Variants in EIF4E3 observed in about 807,000 individuals in gnomAD.
EIF4E3 encodes eukaryotic translation initiation factor 4E family member 3, also known as eukaryotic translation initiation factor 4E type 3.
Under a neutral mutation model 31.7 loss-of-function variants are expected in EIF4E3, and 26 were observed. That is an observed-to-expected ratio of 0.82 (90% CI 0.60 to 1.14). EIF4E3 has a LOEUF of 1.14. Among genes scored for constraint, EIF4E3 ranks in the 50% most tolerant of loss-of-function variants. The probability of loss-of-function intolerance (pLI) is 0.00; values close to 1 mark genes in which losing one functional copy is unlikely to be tolerated. For missense variants in EIF4E3, 304 were observed against 270.9 expected, an observed-to-expected ratio of 1.12 and a Z score of -0.86; for synonymous variants, 128 against 107.7, an observed-to-expected ratio of 1.19 and a Z score of -1.17.
chr3:71,753,691 C>CGGCGGCGGG (rs1559618682), upstream of EIF4E3: 1 of 149,366 alleles, frequency 6.7e-6, no homozygotes, highest in Non-Finnish European at 1.5e-5. Context: ...GCGGCGGCGG[C>CGGCGGCGGG]GGGCCCGGCG....
At chr3:71,739,924 A>T (rs1442795441) in intron 1 of EIF4E3, among the ~76,000 whole-genome samples, 1 of 152,176 alleles carries the variant, frequency 6.6e-6, no homozygotes, top group Non-Finnish European at 1.5e-5. Context: ...AGAAAAATCT[A>T]TGACAATAAC....
chr3:71,692,593 GTCT>G lies in EIF4E3; in HGVS notation c.472+1279_472+1281del, dbSNP rs200773417. On this transcript the variant is annotated intron_variant, in intron 5 of 6. Coordinates refer to ENST00000425534, the MANE Select transcript of EIF4E3 (RefSeq NM_001134651.2). ...TATAGACAAATTTATCTTAACCCAGGTCTTCTTTTTTTTTTTTTTTGAAACAGG... is the reference window on the plus strand; with the variant it reads ...TATAGACAAATTTATCTTAACCCAGGTCTTTTTTTTTTTTTTTGAAACAGG... Among the ~76,000 whole-genome samples, 99 of 139,976 alleles carry G rather than the reference GTCT, an allele frequency of 7.1e-4. 1 individual carries two copies. Among genetic ancestry groups the G allele is most frequent in the East Asian group, 2.6e-3 (8 of 3,040 alleles). The allele number at this position is 139,976 out of a possible 152,430, so 91.8% of individuals were successfully genotyped here.
rs1450526910 is a variant in EIF4E3, at chr3:71,722,773, T to A, written c.176+2419A>T. ...GACAAGCTGCTCCAGAGACTGTTTG[T>A]TGGGGTGTGGGTATGGGGAGGGGTT... On this transcript the variant is annotated intron_variant, in intron 1 of 6. Transcript: ENST00000425534. Among the ~76,000 whole-genome samples, 4 of 152,092 alleles carry A rather than the reference T, an allele frequency of 2.6e-5. No homozygotes were observed. In the East Asian group the frequency reaches 5.8e-4, roughly 22 times the overall value.
chr3:71,699,548 A>T (rs2049185731), intron 3 of EIF4E3, 66 bp downstream of exon 3: 1 of 1,371,986 alleles, frequency 7.3e-7, no homozygotes, highest in South Asian at 1.2e-5. Context: ...AGGTGATATG[A>T]TCTTTTATGA....
the EIF4E3 span, among the ~76,000 whole-genome samples, chr3:71,663,372 T>C: frequency 6.6e-6 from 1 of 152,230 alleles, no homozygotes; most frequent in African/African-American, 2.4e-5. Context: ...GTTTGTGGAT[T>C]AAAATCTGCT....
chr3:71,703,612 C>T (rs1405871061), intron 2 of EIF4E3, among the ~76,000 whole-genome samples: 1 of 152,064 alleles, frequency 6.6e-6, no homozygotes, highest in Non-Finnish European at 1.5e-5. Flanking sequence ...CACCTTACAG[C>T]CTTCTGCCAA....
chr3:71,713,398 G>A (rs2049412178), intron 1 of EIF4E3, among the ~76,000 whole-genome samples: 1 of 152,094 alleles, frequency 6.6e-6, no homozygotes, highest in African/African-American at 2.4e-5. Context: ...CTCTTGGTAT[G>A]TTTTCATCAA....
chr3:71,701,201 AC>A (rs2049211937), intron 2 of EIF4E3, among the ~76,000 whole-genome samples: 2 of 152,232 alleles, frequency 1.3e-5, no homozygotes, highest in African/African-American at 2.4e-5. Flanking sequence ...AATAGATTAT[AC>A]AAAAATAATA....
At chr3:71,698,432 G>A (rs1458750440) in intron 3 of EIF4E3, among the ~76,000 whole-genome samples, 1 of 152,146 alleles carries the variant, frequency 6.6e-6, no homozygotes, top group African/African-American at 2.4e-5. Context: ...GTGTCCCTGT[G>A]GGGGACATCT....
chr3:71,725,458 G>GCGCGC (rs2049623578), upstream of EIF4E3: 3 of 758,108 alleles, frequency 4.0e-6, no homozygotes, highest in Non-Finnish European at 4.8e-6. This position sits in a 1 kb window ranked among gnomAD's most constrained non-coding sequence, Gnocchi z 6.1. Flanking sequence ...GCCCCGCCCC[G>GCGCGC]CGCGCCCCGC....
chr3:71,737,366 T>C (rs970343141), intron 1 of EIF4E3, among the ~76,000 whole-genome samples: 5 of 152,216 alleles, frequency 3.3e-5, no homozygotes, highest in Non-Finnish European at 7.3e-5. Context: ...GTACAAAACA[T>C]ATGACCACCT....
At chr3:71,699,828 A>G in intron 2 of EIF4E3, 120 bp from the exon 3 acceptor site, 1 of 774,736 alleles carries the variant, frequency 1.3e-6, no homozygotes, top group Non-Finnish European at 2.0e-6. Context: ...TCCATTCAAA[A>G]TAGATTTTTC....
intron 2 of EIF4E3, among the ~76,000 whole-genome samples, chr3:71,704,898 A>G (rs2049268191): frequency 6.6e-6 from 1 of 152,244 alleles, no homozygotes; most frequent in African/African-American, 2.4e-5. Context: ...AATACAAGCA[A>G]TTTAACTTCA....
At chr3:71,672,794 T>A (rs532352495), downstream of EIF4E3, among the ~76,000 whole-genome samples, 551 of 152,256 alleles carry the variant, frequency 3.6e-3, 3 homozygotes, top group African/African-American at 0.013. Context: ...TCTTTTTTTT[T>A]TTAAACCTTT....
intron 1 of EIF4E3, among the ~76,000 whole-genome samples, chr3:71,719,642 A>C (rs550014395): frequency 5.9e-4 from 90 of 152,256 alleles, no homozygotes; most frequent in Middle Eastern, 6.8e-3. Flanking sequence ...CTATCCAAGG[A>C]AAGGGCCAGT....
chr3:71,753,903 A>AG (rs1190158811), upstream of EIF4E3: 1 of 933,860 alleles, frequency 1.1e-6, no homozygotes, highest in Admixed American at 6.0e-5. Context: ...GGAGCCCAGG[A>AG]GGGGCCGGCC....
At chr3:71,702,184 A>G (rs1302734819) in intron 2 of EIF4E3, among the ~76,000 whole-genome samples, 2 of 152,232 alleles carry the variant, frequency 1.3e-5, no homozygotes, top group Admixed American at 6.5e-5. Flanking sequence ...CATGTTGAAG[A>G]TATTTTCCCA....
chr3:71,731,614 A>G (rs2108136251), intron 1 of EIF4E3, among the ~76,000 whole-genome samples: 1 of 152,360 alleles, frequency 6.6e-6, no homozygotes, highest in African/African-American at 2.4e-5. Context: ...ACATTTATTA[A>G]GGAAACAAAC....
rs189755359 is a variant in EIF4E3, at chr3:71,683,436, C to A, written c.*1246G>T. On this transcript the variant is annotated 3_prime_UTR_variant, in exon 7 of 7. Transcript: ENST00000425534. ...CCTGCCCTTTATCAGGCAAAAGCAG[C>A]CAAAGGCTTGGCAAAGTCAGGAGAG... The A allele has an allele frequency of 3.9e-4, 59 of 152,322 alleles. No individual in the cohort carries two copies. The highest frequency in any genetic ancestry group is 1.4e-3 in the African/African-American group (59 of 41,566). 9.4% of individuals were successfully genotyped at this position (152,322 alleles called of 1,614,324 possible).
Sources: gnomAD v4.1 joint callset for allele counts (sites outside exome capture counted in the v4.1 genomes callset) on GRCh38, gnomAD v4.1.1 for gene constraint, Gnocchi (gnomAD v3.1) non-coding constraint, MANE v1.5 for transcripts, NCBI Gene and HGNC (gene_info 2026-07-23, HGNC 2026-07-21) for gene names.